The following NODAL variants were observed in gnomAD, a reference collection of about 807,000 sequenced individuals.
The protein encoded by NODAL is nodal homolog.
In NODAL, 12 loss-of-function variants were observed where a neutral mutation model predicts 34.0. The observed-to-expected ratio is 0.35, with a 90% confidence interval of 0.23 to 0.57. The LOEUF (loss-of-function observed/expected upper bound fraction) is 0.57. Among genes scored for constraint, NODAL ranks in the 20% least tolerant of loss-of-function variants. The pLI is 0.83. For missense variants in NODAL, 390 were observed against 444.2 expected, an observed-to-expected ratio of 0.88 and a Z score of 1.10; for synonymous variants, 162 against 186.4, an observed-to-expected ratio of 0.87 and a Z score of 1.07.
At chr10:70,447,838 C>T (rs911047159) in intron 1 of NODAL, 1 of 470,300 alleles carries the variant, frequency 2.1e-6, no homozygotes, top group Non-Finnish European at 4.4e-6. Context: ...TGGTTTATAA[C>T]TGCCCACTGT....
intron 1 of NODAL, among the ~76,000 whole-genome samples, chr10:70,440,336 G>C (rs776645259): frequency 8.5e-5 from 13 of 152,134 alleles, no homozygotes; most frequent in Non-Finnish European, 1.8e-4. Flanking sequence ...GAGGGGCCGA[G>C]CACTCCAGCA....
upstream of NODAL, chr10:70,441,772 A>T (rs1589154674): frequency 4.1e-6 from 5 of 1,222,298 alleles, no homozygotes; most frequent in East Asian, 1.3e-4. Context: ...CTTTAAGATC[A>T]TATAACCCCC....
chr10:70,447,911 C>G lies in NODAL; in HGVS notation c.28+13G>C, dbSNP rs893506380. ...TCATAAAGGCAGGTCTAAGACAAGT[C>G]TCTCGCTTCTACCTTTAGTCTGTAT... On this transcript the variant is annotated intron_variant, in intron 1 of 2. Coordinates refer to the NODAL transcript ENST00000414871. 3 of 471,120 alleles carry G rather than the reference C, an allele frequency of 6.4e-6. No homozygotes were observed. The Middle Eastern group carries it at 9.7e-4, about 153-fold the overall frequency. 29.2% of individuals were successfully genotyped at this position (471,120 alleles called of 1,614,324 possible).
chr10:70,443,141 C>G (rs1037186680), upstream of NODAL, among the ~76,000 whole-genome samples: 4 of 152,102 alleles, frequency 2.6e-5, no homozygotes, highest in African/African-American at 9.7e-5. Context: ...AGGCTGCGAC[C>G]TGAGCAGGTT....
intron 1 of NODAL, among the ~76,000 whole-genome samples, chr10:70,440,062 ACT>A (rs776121158): frequency 2.0e-5 from 3 of 152,074 alleles, no homozygotes; most frequent in Non-Finnish European, 4.4e-5. Flanking sequence ...ACAGAGGGAG[ACT>A]CTGTTTCAAA....
In NODAL at chr10:70,435,815, G is replaced by T. The variant is rs748901621; in HGVS notation, c.362C>A (p.Thr121Lys). The T allele has an allele frequency of 6.2e-7, 1 of 1,614,168 alleles. No homozygotes were observed. Among genetic ancestry groups the T allele is most frequent in the Non-Finnish European group, 8.5e-7 (1 of 1,180,056 alleles). ...TAAGCAGCTGTCTGAAGCCTGCTCT[G>T]TGTCGGGCTTTGGCTGGTGGAAAAT... is the stretch of plus-strand genomic sequence containing the variant. ...IEIFHQPKPD[T>K]EQASDSCLER... Residue 121 changes from threonine (T) to lysine (K), a missense_variant, in exon 2 of 3, where the codon ACA becomes AAA. Physicochemically the swap from Thr to Lys is moderately conservative, Grantham distance 78 (BLOSUM62 -1). Transcript: ENST00000287139.
chr10:70,432,834 C>T lies in NODAL; in HGVS notation c.*102G>A. On this transcript the variant is annotated 3_prime_UTR_variant, in exon 3 of 3. Transcript: ENST00000287139. ...GTTCTGGTGGGCAGAGCAACTTTGCCCCTCTCTGTTTCTCCTTACTGGATT... is the reference window on the plus strand; with the variant it reads ...GTTCTGGTGGGCAGAGCAACTTTGCTCCTCTCTGTTTCTCCTTACTGGATT... The T allele has an allele frequency of 7.1e-7, 1 of 1,414,376 alleles. No individual in the cohort carries two copies. The allele number at this position is 1,414,376 out of a possible 1,614,324, so 87.6% of individuals were successfully genotyped here.
chr10:70,434,979 C>T (rs889227582), intron 2 of NODAL: 22 of 357,584 alleles, frequency 6.2e-5, no homozygotes, highest in Non-Finnish European at 9.9e-5. Context: ...CCTAGAATGT[C>T]AGGGCTAGGG....
intron 2 of NODAL, among the ~76,000 whole-genome samples, chr10:70,434,097 C>T (rs906704458): frequency 1.3e-5 from 2 of 152,128 alleles, no homozygotes; most frequent in African/African-American, 4.8e-5. Flanking sequence ...CCCTGAATCC[C>T]GCCTGAGGCT....
chr10:70,440,944 GA>G lies in NODAL; in HGVS notation c.193+530del, dbSNP rs924130795. On this transcript the variant is annotated intron_variant, in intron 1 of 2. Coordinates refer to ENST00000287139, the MANE Select transcript of NODAL (RefSeq NM_018055.5). ...ACCCATTCACCCTCACTCGCAGAAA[GA>G]AAAAAAAATCGCCAAGACCAAACCA... 2.6e-4 allele frequency among the ~76,000 whole-genome samples: 39 copies of G among 151,546 alleles called. 1 individual carries two copies. In the East Asian group the frequency reaches 7.2e-3, roughly 28 times the overall value.
chr10:70,440,551 C>A (rs553530370), intron 1 of NODAL, among the ~76,000 whole-genome samples: 60 of 152,202 alleles, frequency 3.9e-4, no homozygotes, highest in African/African-American at 1.3e-3. Flanking sequence ...GCCGTCTGGC[C>A]CCCGCAGGCG....
chr10:70,436,025 G>C (rs1589152651), intron 1 of NODAL, 42 bp from the exon 2 acceptor site: 1 of 1,513,474 alleles, frequency 6.6e-7, no homozygotes, highest in Non-Finnish European at 9.2e-7. Context: ...GTGAGTGAGG[G>C]CCTCCCCCAG....
At chr10:70,440,549 G>C (rs1444691452) in intron 1 of NODAL, among the ~76,000 whole-genome samples, 1 of 152,120 alleles carries the variant, frequency 6.6e-6, no homozygotes, top group African/African-American at 2.4e-5. Flanking sequence ...GGGCCGTCTG[G>C]CCCCCGCAGG....
chr10:70,446,162 C>T (rs1845485298), upstream of NODAL, among the ~76,000 whole-genome samples: 1 of 152,198 alleles, frequency 6.6e-6, no homozygotes, highest in Non-Finnish European at 1.5e-5. Flanking sequence ...CTCGTTTCCT[C>T]TGCCCAGACA....
At chr10:70,440,446 G>A (rs1845412922) in intron 1 of NODAL, among the ~76,000 whole-genome samples, 1 of 152,192 alleles carries the variant, frequency 6.6e-6, no homozygotes, top group Non-Finnish European at 1.5e-5. Flanking sequence ...CCAGGCGCGG[G>A]AGCGAAGGGC....
At chr10:70,444,931 C>T (rs962756421), upstream of NODAL, among the ~76,000 whole-genome samples, 9 of 152,146 alleles carry the variant, frequency 5.9e-5, no homozygotes, top group African/African-American at 1.7e-4. Context: ...AGAAGGCACC[C>T]TCATCCAGGT....
At position 70,435,575 on chromosome 10, in the gene NODAL, G is replaced by C; in HGVS notation, c.602C>G (p.Ser201Trp). 1 of 1,614,122 alleles carries C rather than the reference G, an allele frequency of 6.2e-7. No individual in the cohort carries two copies. Among genetic ancestry groups the C allele is most frequent in the Non-Finnish European group, 8.5e-7 (1 of 1,180,030 alleles). ...NVLLMLYSNL[S>W]QEQRQLGGST... Reference sequence around the variant, plus strand: ...CCCACCCAGCTGCCTCTGCTCCTGCGAGAGGTTGGAGTAGAGCATAAGGAG... The same window carrying C: ...CCCACCCAGCTGCCTCTGCTCCTGCCAGAGGTTGGAGTAGAGCATAAGGAG... The change falls in exon 2 of 3, where the codon TCG becomes TGG. Residue 201 changes from serine (S) to tryptophan (W), a missense_variant. Transcript: ENST00000287139.
At chr10:70,440,003 C>G (rs894764970) in intron 1 of NODAL, among the ~76,000 whole-genome samples, 3 of 152,186 alleles carry the variant, frequency 2.0e-5, no homozygotes, top group African/African-American at 7.2e-5. Context: ...ACCTGGGAGG[C>G]GGAGGTTGCA....
chr10:70,444,555 G>C (rs1048860087), upstream of NODAL, among the ~76,000 whole-genome samples: 3 of 151,870 alleles, frequency 2.0e-5, no homozygotes, highest in Non-Finnish European at 4.4e-5. Context: ...TCTTGGTCTC[G>C]AACTCCTGAC....
Sources: allele counts gnomAD v4.1 joint callset (sites outside exome capture counted in the v4.1 genomes callset), GRCh38; gene constraint gnomAD v4.1.1; transcripts MANE v1.5; gene names NCBI Gene and HGNC (gene_info 2026-07-23, HGNC 2026-07-21).